CSMD3: variants seen among roughly 807,000 people sequenced by gnomAD.
The protein encoded by CSMD3 is CUB and Sushi multiple domains 3.
In CSMD3, 177 loss-of-function variants were observed where a neutral mutation model predicts 435.2. The observed-to-expected ratio is 0.41, with a 90% CI of 0.36 to 0.46. The LOEUF is 0.46. Ranked by LOEUF, CSMD3 falls within the 20% of genes least tolerant of loss-of-function variation. The pLI, the probability that CSMD3 is intolerant of heterozygous loss-of-function variation, is 0.34. For missense variants in CSMD3, 4,265 were observed against 4,504.6 expected (o/e 0.95, Z 1.52); for synonymous variants, 1,656 against 1,520.5 (o/e 1.09, Z -2.07).
At chr8:112,772,816 T>A (rs1200437775) in intron 13 of CSMD3, among the ~76,000 whole-genome samples, 1 of 152,082 alleles carries the variant, frequency 6.6e-6, no homozygotes, top group Non-Finnish European at 1.5e-5. Context: ...GAGATGTTTA[T>A]GTATATGCAC....
chr8:112,223,811 T>C lies in CSMD3; in HGVS notation c.*960A>G, dbSNP rs1388693076. The C allele has an allele frequency of 2.6e-5, 4 of 152,076 alleles. No individual in the cohort carries two copies. The highest frequency in any genetic ancestry group is 4.1e-4 in the South Asian group (2 of 4,830). The allele number at this position is 152,076 out of a possible 1,614,324, so 9.4% of individuals were successfully genotyped here. On this transcript the variant is annotated 3_prime_UTR_variant, in exon 71 of 71. Transcript: ENST00000297405. ...AGCTGGAAGGAAATGTAGATATAAA[T>C]AGAGTAGATTATTAGGACATTTTAT... is the stretch of plus-strand genomic sequence containing the variant.
rs1442184821 is a variant in CSMD3 at position 113,410,901 on chromosome 8, G to GAA, written c.178+25774_178+25775dup. On this transcript the variant is annotated intron_variant, in intron 1 of 70. Transcript: ENST00000297405. ...GCCTTGTGACAGAGCAAAACCCTGT[G>GAA]AAAGAAAGAAAGAAAGAAAGAAAGA... 5.1e-4 allele frequency among the ~76,000 whole-genome samples: 3 copies of GAA among 5,864 alleles called. No homozygotes were observed. The South Asian group carries it at 0.024, about 47-fold the overall frequency. The allele number at this position is 5,864 out of a possible 152,430, so 3.8% of individuals were successfully genotyped here.
chr8:112,924,957 T>A, intron 9 of CSMD3, among the ~76,000 whole-genome samples: 1 of 152,156 alleles, frequency 6.6e-6, no homozygotes, highest in East Asian at 1.9e-4. Flanking sequence ...GAAGTCCTCA[T>A]AGTCTAGGGG....
intron 1 of CSMD3, among the ~76,000 whole-genome samples, chr8:113,397,003 A>G (rs2094486569): frequency 6.6e-6 from 1 of 152,144 alleles, no homozygotes; most frequent in African/African-American, 2.4e-5. Flanking sequence ...TTGTTGAAAT[A>G]TTTTGAAAGA....
rs202147490 is a variant in CSMD3 at position 112,492,633 on chromosome 8, T to G, written c.5134A>C (p.Arg1712=). The part of the protein sequence containing the change: ...FDPGNIMNGT[R]LGMDYKLGST... Reference sequence around the variant, plus strand: ...CCTAATTTATAATCCATTCCAAGTCTGGTGCCATTCATTATATTGCCTGGA... The same window carrying G: ...CCTAATTTATAATCCATTCCAAGTCGGGTGCCATTCATTATATTGCCTGGA... The change falls in exon 31 of 71, where the codon AGA becomes CGA. Residue 1712 remains arginine (R), a synonymous_variant. Transcript: ENST00000297405. 1 of 1,613,920 alleles carries G rather than the reference T, an allele frequency of 6.2e-7. No individual in the cohort carries two copies. The highest frequency in any genetic ancestry group is 2.2e-5 in the East Asian group (1 of 44,854).
intron 1 of CSMD3, among the ~76,000 whole-genome samples, chr8:113,376,259 ATT>A (rs1340622420): frequency 6.6e-6 from 1 of 152,154 alleles, no homozygotes. Flanking sequence ...CATAAAAGTT[ATT>A]TGATTGATGT....
At chr8:112,298,366 T>C (rs1820548595) in intron 53 of CSMD3, among the ~76,000 whole-genome samples, 1 of 151,966 alleles carries the variant, frequency 6.6e-6, no homozygotes, top group Non-Finnish European at 1.5e-5. Context: ...AAAGTGCAAG[T>C]AAAAAAGCTC....
chr8:112,675,665 T>C (rs1296308279), intron 16 of CSMD3, among the ~76,000 whole-genome samples: 1 of 152,072 alleles, frequency 6.6e-6, no homozygotes, highest in Non-Finnish European at 1.5e-5. Flanking sequence ...TAATTTGAAC[T>C]ACAAATTTCA....
intron 28 of CSMD3, among the ~76,000 whole-genome samples, chr8:112,510,112 T>C (rs562206322): frequency 4.1e-4 from 62 of 152,302 alleles, no homozygotes; most frequent in African/African-American, 1.5e-3. Flanking sequence ...GACTCCACCC[T>C]GTAGCTATTT....
intron 3 of CSMD3, among the ~76,000 whole-genome samples, chr8:113,238,697 C>T (rs2093177753): frequency 6.6e-6 from 1 of 152,178 alleles, no homozygotes; most frequent in African/African-American, 2.4e-5. Flanking sequence ...ATTTGCAAAA[C>T]TATGCCACAC....
intron 13 of CSMD3, among the ~76,000 whole-genome samples, chr8:112,786,954 A>G (rs944120674): frequency 3.3e-5 from 5 of 151,544 alleles, no homozygotes; most frequent in African/African-American, 1.2e-4. Context: ...TCGTTGTTCA[A>G]CTCCCACTTA....
intron 20 of CSMD3, among the ~76,000 whole-genome samples, chr8:112,640,504 G>A (rs547023552): frequency 4.0e-4 from 60 of 151,804 alleles, no homozygotes; most frequent in African/African-American, 1.4e-3. Flanking sequence ...GGTTATCACT[G>A]CATAATGAAT....
intron 3 of CSMD3, among the ~76,000 whole-genome samples, chr8:113,227,056 A>G (rs954586301): frequency 1.3e-5 from 2 of 151,624 alleles, no homozygotes; most frequent in Non-Finnish European, 3.0e-5. Context: ...GGGTTTTAAA[A>G]TAAGCAAAAG....
intron 32 of CSMD3, among the ~76,000 whole-genome samples, chr8:112,467,182 T>C (rs1818040766): frequency 6.6e-6 from 1 of 152,168 alleles, no homozygotes; most frequent in Non-Finnish European, 1.5e-5. Flanking sequence ...ATTTGAAACA[T>C]GCAACCAAGA....
At chr8:113,306,427 A>G (rs1429946842) in intron 2 of CSMD3, among the ~76,000 whole-genome samples, 2 of 152,158 alleles carry the variant, frequency 1.3e-5, no homozygotes, top group Non-Finnish European at 2.9e-5. Context: ...GGTAGAGTTA[A>G]ATCACTGGAG....
intron 3 of CSMD3, among the ~76,000 whole-genome samples, chr8:113,255,597 T>C (rs1194946575): frequency 6.6e-6 from 1 of 152,062 alleles, no homozygotes; most frequent in Admixed American, 6.6e-5. Flanking sequence ...TCACTGTGTA[T>C]TAGCCTTGAA....
At chr8:112,689,153 T>A (rs1328400617) in intron 14 of CSMD3, among the ~76,000 whole-genome samples, 1 of 152,068 alleles carries the variant, frequency 6.6e-6, no homozygotes, top group Non-Finnish European at 1.5e-5. Context: ...TATGCACTTT[T>A]CCTCTTCTAG....
chr8:113,407,114 A>G (rs545212362), intron 1 of CSMD3, among the ~76,000 whole-genome samples: 4 of 152,192 alleles, frequency 2.6e-5, no homozygotes, highest in Non-Finnish European at 5.9e-5. Context: ...AGCTGTTACT[A>G]AAAATCAGAT....
intron 13 of CSMD3, among the ~76,000 whole-genome samples, chr8:112,743,955 A>G (rs1162847526): frequency 6.6e-6 from 1 of 152,056 alleles, no homozygotes; most frequent in Non-Finnish European, 1.5e-5. Flanking sequence ...TATAACCGCC[A>G]GGTAAAATTA....
Sources: allele counts gnomAD v4.1 joint callset (sites outside exome capture counted in the v4.1 genomes callset), GRCh38; gene constraint gnomAD v4.1.1; transcripts MANE v1.5; gene names NCBI Gene and HGNC (gene_info 2026-07-23, HGNC 2026-07-21).